CNBD1: variants seen among roughly 807,000 people sequenced by gnomAD.
The protein encoded by CNBD1 is cyclic nucleotide binding domain containing 1.
Under a neutral mutation model 54.4 loss-of-function variants are expected in CNBD1, and 71 were observed. The ratio of observed to expected loss-of-function variants is 1.30; its 90% CI spans 1.08 to 1.59. CNBD1 has a LOEUF of 1.59. Ranked by LOEUF, CNBD1 falls within the 40% of genes most tolerant of loss-of-function variation. The pLI, the probability that CNBD1 is intolerant of heterozygous loss-of-function variation, is 0.00. For synonymous variants in CNBD1, 182 were observed against 170.7 expected, an observed-to-expected ratio of 1.07 and a Z score of -0.51; for missense variants, 659 against 518.0, an observed-to-expected ratio of 1.27 and a Z score of -2.64.
intron 8 of CNBD1, among the ~76,000 whole-genome samples, chr8:87,321,207 C>T (rs965456751): frequency 5.4e-5 from 8 of 148,884 alleles, no homozygotes; most frequent in Middle Eastern, 3.2e-3. Context: ...AGTAAGAATG[C>T]TGAATCACAT....
chr8:87,318,359 G>T (rs988580484), intron 8 of CNBD1, among the ~76,000 whole-genome samples: 1 of 152,042 alleles, frequency 6.6e-6, no homozygotes, highest in Non-Finnish European at 1.5e-5. Context: ...TAAGTACTCA[G>T]CAACAATTTT....
chr8:87,109,705 A>AT (rs1229762368), intron 4 of CNBD1, among the ~76,000 whole-genome samples: 2 of 151,488 alleles, frequency 1.3e-5, no homozygotes, highest in African/African-American at 2.4e-5. Context: ...CACCCGGCTA[A>AT]TTTTTTGTAT....
At chr8:86,895,477 T>C (rs1187965562) in intron 2 of CNBD1, among the ~76,000 whole-genome samples, 2 of 152,202 alleles carry the variant, frequency 1.3e-5, no homozygotes, top group Admixed American at 1.3e-4. Context: ...CCAAGGAGCA[T>C]GCTTGCTGAA....
intron 5 of CNBD1, among the ~76,000 whole-genome samples, chr8:87,222,999 G>A (rs546610833): frequency 1.3e-5 from 2 of 150,190 alleles, no homozygotes; most frequent in African/African-American, 4.9e-5. Context: ...CAAAGTCTGG[G>A]AATCATTATT....
chr8:86,892,576 T>C (rs747766676), intron 2 of CNBD1, among the ~76,000 whole-genome samples: 1 of 152,062 alleles, frequency 6.6e-6, no homozygotes, highest in Non-Finnish European at 1.5e-5. Flanking sequence ...GCTTTTATAA[T>C]AAAGAAGAAA....
chr8:86,960,645 C>T (rs2130468870), intron 4 of CNBD1, among the ~76,000 whole-genome samples: 1 of 152,302 alleles, frequency 6.6e-6, no homozygotes, highest in South Asian at 2.1e-4. Flanking sequence ...GTGGTTCTCC[C>T]AGCACGGAGC....
At chr8:87,146,355 CTTT>C (rs1420868443) in intron 4 of CNBD1, among the ~76,000 whole-genome samples, 1 of 152,116 alleles carries the variant, frequency 6.6e-6, no homozygotes, top group African/African-American at 2.4e-5. Flanking sequence ...TACACCTTTA[CTTT>C]TTCAACTGCA....
intron 2 of CNBD1, among the ~76,000 whole-genome samples, chr8:87,396,538 G>A (rs146849102): frequency 1.1e-3 from 173 of 151,810 alleles, no homozygotes; most frequent in African/African-American, 3.8e-3. Context: ...GAGAAGAATT[G>A]ACTTTTATAT....
At chr8:87,263,470 G>A (rs77166856) in intron 6 of CNBD1, among the ~76,000 whole-genome samples, 11,705 of 152,120 alleles carry the variant, frequency 0.077, 653 homozygotes, top group Non-Finnish European at 0.12. Flanking sequence ...AGGTGACTAA[G>A]ATGTTACTCA....
chr8:86,983,052 A>G (rs1028514877), intron 4 of CNBD1, among the ~76,000 whole-genome samples: 1 of 152,192 alleles, frequency 6.6e-6, no homozygotes, highest in African/African-American at 2.4e-5. Context: ...GGCATATTGT[A>G]TGATGCTGAG....
At chr8:87,343,595 T>C (rs929530195) in intron 8 of CNBD1, among the ~76,000 whole-genome samples, 2 of 152,192 alleles carry the variant, frequency 1.3e-5, no homozygotes, top group Non-Finnish European at 2.9e-5. Context: ...TTCCTATGTG[T>C]TGTTTAGGCT....
intron 4 of CNBD1, among the ~76,000 whole-genome samples, chr8:86,993,358 A>G (rs1356571311): frequency 6.6e-6 from 1 of 151,692 alleles, no homozygotes; most frequent in Middle Eastern, 3.2e-3. Context: ...CTTTTATCTC[A>G]TGGATTGTTT....
chr8:87,296,168 A>G (rs978504612), intron 8 of CNBD1, among the ~76,000 whole-genome samples: 5 of 152,218 alleles, frequency 3.3e-5, no homozygotes, highest in African/African-American at 9.6e-5. Context: ...TTTTTAATAA[A>G]GAAGCAATTC....
At chr8:86,880,012 A>T (rs1232335722) in intron 1 of CNBD1, among the ~76,000 whole-genome samples, 4 of 152,238 alleles carry the variant, frequency 2.6e-5, no homozygotes, top group Non-Finnish European at 5.9e-5. Context: ...AGAAAGTTTA[A>T]CAATCACATT....
At chr8:86,872,182 T>C (rs1161713667) in intron 1 of CNBD1, among the ~76,000 whole-genome samples, 1 of 152,136 alleles carries the variant, frequency 6.6e-6, no homozygotes, top group East Asian at 1.9e-4. Context: ...AATATTCCCT[T>C]AATTACACCA....
chr8:87,303,516 C>A (rs1290552955), intron 8 of CNBD1, among the ~76,000 whole-genome samples: 1 of 152,040 alleles, frequency 6.6e-6, no homozygotes, highest in African/African-American at 2.4e-5. Context: ...AAATGTTAGA[C>A]CTAAAACCAT....
chr8:87,332,749 G>A (rs927273094), intron 8 of CNBD1, among the ~76,000 whole-genome samples: 5 of 152,056 alleles, frequency 3.3e-5, no homozygotes, highest in Non-Finnish European at 5.9e-5. Context: ...GTCTGTTTTT[G>A]TACAAGTACC....
chr8:87,309,207 G>A (rs548659722), intron 8 of CNBD1, among the ~76,000 whole-genome samples: 2 of 152,096 alleles, frequency 1.3e-5, no homozygotes, highest in Admixed American at 1.3e-4. Flanking sequence ...TACCAACAAT[G>A]TATAAGACTT....
At position 87,206,205 on chromosome 8, in the gene CNBD1, A is replaced by G. The variant is rs559830322; in HGVS notation, c.577+67A>G. On this transcript the variant is annotated intron_variant, in intron 5 of 10. Transcript: ENST00000518476. ...AGGCCACTGTTTCGAGTTCTTTATC[A>G]TTATAATGCTTATAATTTCACTTAA... 113 of 1,209,520 alleles carry G rather than the reference A, an allele frequency of 9.3e-5. 1 individual carries two copies. In the African/African-American group the frequency reaches 1.5e-3, roughly 16 times the overall value. 74.9% of individuals were successfully genotyped at this position (1,209,520 alleles called of 1,614,324 possible). A position where few individuals can be genotyped will look rare whatever the true frequency, so the allele number is the denominator to read the frequency against.
Sources: allele counts gnomAD v4.1 joint callset (sites outside exome capture counted in the v4.1 genomes callset), GRCh38; gene constraint gnomAD v4.1.1; transcripts MANE v1.5; gene names NCBI Gene and HGNC (gene_info 2026-07-23, HGNC 2026-07-21).